Variants in LRIG3 observed in about 807,000 individuals in gnomAD.
LRIG3 encodes leucine-rich repeats and immunoglobulin-like domains protein 3.
LRIG3 carries 76 observed loss-of-function variants against 114.5 expected under a neutral mutation model. The ratio of observed to expected loss-of-function variants is 0.66; its 90% confidence interval spans 0.55 to 0.80. The LOEUF is 0.80. Among genes scored for constraint, LRIG3 ranks in the 30% least tolerant of loss-of-function variants. The pLI, the probability that LRIG3 is intolerant of heterozygous loss-of-function variation, is 0.00. For missense variants in LRIG3, 1,239 were observed against 1,382.8 expected (o/e 0.90, Z 1.65); for synonymous variants, 512 against 519.8 (o/e 0.98, Z 0.20).
chr12:58,903,287 A>G (rs1305584064), intron 3 of LRIG3, among the ~76,000 whole-genome samples: 1 of 152,072 alleles, frequency 6.6e-6, no homozygotes, highest in Non-Finnish European at 1.5e-5. Flanking sequence ...ATGGTATCTC[A>G]TTGTGGTTTT....
At chr12:58,883,615 C>T in intron 10 of LRIG3, 24 bp from the exon 11 acceptor site, 1 of 1,516,310 alleles carries the variant, frequency 6.6e-7, no homozygotes, top group South Asian at 1.3e-5. Flanking sequence ...AAATCAAATG[C>T]ATCAGAGCAA....
In LRIG3 at chr12:58,877,730, G is replaced by A. The variant is rs770219319; in HGVS notation, c.2206C>T (p.Pro736Ser). 3.5e-5 allele frequency: 56 copies of A among 1,614,072 alleles called. 1 individual carries two copies. The Admixed American group carries it at 9.3e-4, about 27-fold the overall frequency. Reference sequence around the variant, plus strand: ...AAGTGCCTCTCGGTTACCACCAATGGGCTATCATCTTTGGTCCAGTTCAGT... The same window carrying A: ...AAGTGCCTCTCGGTTACCACCAATGAGCTATCATCTTTGGTCCAGTTCAGT... ...PKLNWTKDDS[P>S]LVVTERHFFA... The change falls in exon 15 of 19, where the codon CCA becomes TCA. Residue 736 changes from proline to serine, a missense_variant. By Grantham distance (74) the Pro-to-Ser change is moderately conservative. Coordinates refer to ENST00000320743, the MANE Select transcript of LRIG3 (RefSeq NM_153377.5).
chr12:58,919,051 G>GT, intron 1 of LRIG3, among the ~76,000 whole-genome samples: 1 of 152,234 alleles, frequency 6.6e-6, no homozygotes. Flanking sequence ...ATAAGATTAC[G>GT]TATGAAGTGC....
Position 58,878,882 on chromosome 12 carries a change from G to A in LRIG3, c.2025C>T (p.Ser675=), listed in dbSNP as rs2120878738. The part of the protein sequence containing the change: ...DVKIEDIGVY[S]CTAQNSAGSI... ...TTCCTGCACTGTTCTGAGCTGTGCA[G>A]CTGTATACCCCAATGTCCTCTATCT... Residue 675 remains serine (S), a synonymous_variant, in exon 14 of 19, where the codon AGC becomes AGT. Transcript: ENST00000320743. The A allele has an allele frequency of 6.2e-7, 1 of 1,614,208 alleles. No homozygotes were observed. Among genetic ancestry groups the A allele is most frequent in the South Asian group, 1.1e-5 (1 of 91,088 alleles).
chr12:58,886,694 C>T, intron 9 of LRIG3, 116 bp downstream of exon 9: 1 of 753,934 alleles, frequency 1.3e-6, no homozygotes, highest in Non-Finnish European at 2.2e-6. Flanking sequence ...GGGTGGTAAC[C>T]AGATTAAGCA....
intron 3 of LRIG3, among the ~76,000 whole-genome samples, chr12:58,910,595 G>T (rs149994905): frequency 6.6e-6 from 1 of 151,976 alleles, no homozygotes; most frequent in Non-Finnish European, 1.5e-5. Context: ...GTGACACTGC[G>T]AGACTCCGTC....
intron 14 of LRIG3, among the ~76,000 whole-genome samples, chr12:58,878,254 TGCCTGG>T (rs1286883998): frequency 6.6e-6 from 1 of 152,244 alleles, no homozygotes; most frequent in East Asian, 1.9e-4. Context: ...TAGGGCCGGA[TGCCTGG>T]GCCTATATTA....
chr12:58,885,654 T>C (rs1043731574), intron 10 of LRIG3, among the ~76,000 whole-genome samples, 177 bp downstream of exon 10: 11 of 152,158 alleles, frequency 7.2e-5, no homozygotes, highest in African/African-American at 2.4e-4. Flanking sequence ...TATAGGTAGG[T>C]AGGTAAGTAG....
chr12:58,908,281 ACATG>A (rs999076658), intron 3 of LRIG3, among the ~76,000 whole-genome samples: 8 of 152,190 alleles, frequency 5.3e-5, no homozygotes, highest in Admixed American at 5.2e-4. Context: ...AATGAATCTA[ACATG>A]GGCAGTTTTC....
At chr12:58,884,643 A>C (rs1871216300) in intron 10 of LRIG3, among the ~76,000 whole-genome samples, 1 of 152,090 alleles carries the variant, frequency 6.6e-6, no homozygotes, top group Non-Finnish European at 1.5e-5. Context: ...ATTCTACTAT[A>C]ATTTGAACTG....
At chr12:58,899,064 A>G (rs1182722465) in intron 3 of LRIG3, among the ~76,000 whole-genome samples, 1 of 152,188 alleles carries the variant, frequency 6.6e-6, no homozygotes, top group African/African-American at 2.4e-5. Context: ...ACACATCAGG[A>G]TTGGTGGGCA....
chr12:58,896,736 A>G (rs748779746), intron 3 of LRIG3, among the ~76,000 whole-genome samples: 13 of 152,206 alleles, frequency 8.5e-5, no homozygotes, highest in Non-Finnish European at 1.8e-4. Flanking sequence ...CCCTAAGTCC[A>G]ATTCAGTGAT....
chr12:58,920,257 T>C lies in LRIG3; in HGVS notation c.-22A>G, dbSNP rs1872626654. ...TCATCGCGGTCCAGCGGCCTAGGTC[T>C]CTACCCGAAGCTCCCAGCCGGCGCG... On this transcript the variant is annotated 5_prime_UTR_variant, in exon 1 of 19. Transcript: ENST00000320743. The C allele has an allele frequency of 2.3e-6, 3 of 1,327,532 alleles. No homozygotes were observed. The East Asian group carries it at 9.4e-5, about 42-fold the overall frequency. 82.2% of individuals were successfully genotyped at this position (1,327,532 alleles called of 1,614,324 possible). A position where few individuals can be genotyped will look rare whatever the true frequency, so the allele number is the denominator to read the frequency against.
chr12:58,908,616 T>G (rs1266004199), intron 3 of LRIG3, among the ~76,000 whole-genome samples: 1 of 152,192 alleles, frequency 6.6e-6, no homozygotes, highest in African/African-American at 2.4e-5. Context: ...ATTGCTGCTA[T>G]TGTCAGAATT....
At chr12:58,873,970 G>T (rs2120863575) in intron 18 of LRIG3, 85 bp downstream of exon 18, 2 of 1,473,776 alleles carry the variant, frequency 1.4e-6, no homozygotes, top group East Asian at 2.3e-5. Context: ...TTACCAGTTT[G>T]ACATTCAAGG....
At chr12:58,898,721 C>T (rs975166333) in intron 3 of LRIG3, among the ~76,000 whole-genome samples, 1 of 152,092 alleles carries the variant, frequency 6.6e-6, no homozygotes, top group African/African-American at 2.4e-5. Flanking sequence ...TGCAGTGGCA[C>T]GATCTCGGCT....
chr12:58,908,729 T>C (rs137979884), intron 3 of LRIG3, among the ~76,000 whole-genome samples: 1 of 152,322 alleles, frequency 6.6e-6, no homozygotes, highest in Non-Finnish European at 1.5e-5. Flanking sequence ...ACTAAGTGTA[T>C]AGAAGGAGAT....
At position 58,874,223 on chromosome 12, in the gene LRIG3, G is replaced by A. The variant is rs202041991; in HGVS notation, c.2947C>T (p.Arg983Trp). 49 of 1,614,128 alleles carry A rather than the reference G, an allele frequency of 3.0e-5. No individual in the cohort carries two copies. In the East Asian group the frequency reaches 4.2e-4, roughly 14 times the overall value. ...GGCCACGATATATTACTGAAGCTCCGTTCGCAGGATTCTTCTGAAGGATGA... is the reference window on the plus strand; with the variant it reads ...GGCCACGATATATTACTGAAGCTCCATTCGCAGGATTCTTCTGAAGGATGA... ...CSHPSEESCE[R>W]SFSNISWPSH... The change falls in exon 18 of 19, where the codon CGG becomes TGG. Residue 983 changes from arginine to tryptophan, a missense_variant. By Grantham distance (101) the Arg-to-Trp change is moderately radical (BLOSUM62 -3). Coordinates refer to ENST00000320743, the MANE Select transcript of LRIG3 (RefSeq NM_153377.5).
intron 3 of LRIG3, among the ~76,000 whole-genome samples, chr12:58,905,716 G>C (rs1429070503): frequency 6.6e-6 from 1 of 152,158 alleles, no homozygotes; most frequent in Non-Finnish European, 1.5e-5. Context: ...GAGACTGGTA[G>C]CTTTATAAGA....
Sources: gnomAD v4.1 joint callset for allele counts (sites outside exome capture counted in the v4.1 genomes callset) on GRCh38, gnomAD v4.1.1 for gene constraint, MANE v1.5 for transcripts, NCBI Gene and HGNC (gene_info 2026-07-23, HGNC 2026-07-21) for gene names.